Variants in PRKAG2 observed in about 807,000 individuals in gnomAD.
PRKAG2 encodes protein kinase AMP-activated non-catalytic subunit gamma 2, also known as 5'-AMP-activated protein kinase subunit gamma-2.
PRKAG2 carries 26 observed loss-of-function variants against 69.6 expected under a neutral mutation model. That is an observed-to-expected ratio of 0.37 (90% CI 0.27 to 0.52). The LOEUF (loss-of-function observed/expected upper bound fraction) is 0.52, where lower values mean the gene tolerates loss of function less well. Among genes scored for constraint, PRKAG2 ranks in the 20% least tolerant of loss-of-function variants. The pLI is 0.90. For missense variants in PRKAG2, 557 were observed against 740.0 expected (o/e 0.75, Z 2.87); for synonymous variants, 293 against 285.0 (o/e 1.03, Z -0.28).
intron 3 of PRKAG2, among the ~76,000 whole-genome samples, chr7:151,711,648 A>G (rs1453407512): frequency 6.6e-6 from 1 of 152,206 alleles, no homozygotes; most frequent in Non-Finnish European, 1.5e-5. Flanking sequence ...TATTATCCCC[A>G]TTTTATGGAT....
intron 6 of PRKAG2, among the ~76,000 whole-genome samples, chr7:151,578,511 T>G (rs1285869799): frequency 6.6e-6 from 1 of 152,246 alleles, no homozygotes. Flanking sequence ...TGCTCATGCA[T>G]GTACCTAGTT....
intron 1 of PRKAG2, among the ~76,000 whole-genome samples, chr7:151,863,641 C>G (rs2079990216): frequency 6.6e-6 from 1 of 152,202 alleles, no homozygotes; most frequent in Admixed American, 6.5e-5. Flanking sequence ...ATGAGGCCAG[C>G]ACGGTGGCTC....
At chr7:151,690,674 G>A (rs80234930) in intron 3 of PRKAG2, among the ~76,000 whole-genome samples, 12 of 152,110 alleles carry the variant, frequency 7.9e-5, no homozygotes, top group African/African-American at 2.7e-4. Flanking sequence ...ATCTGAATAC[G>A]GTGCTTAGGG....
chr7:151,704,558 G>A (rs570679617), intron 3 of PRKAG2, among the ~76,000 whole-genome samples: 1 of 152,274 alleles, frequency 6.6e-6, no homozygotes, highest in East Asian at 1.9e-4. Flanking sequence ...CTACTCTGGG[G>A]CTATTATAAA....
intron 3 of PRKAG2, among the ~76,000 whole-genome samples, chr7:151,677,420 G>T (rs1477653802): frequency 6.6e-6 from 1 of 152,170 alleles, no homozygotes; most frequent in Non-Finnish European, 1.5e-5. Context: ...TCGAACTCCT[G>T]ACCTCAAGTG....
chr7:151,778,090 C>G (rs2076479733), intron 3 of PRKAG2, among the ~76,000 whole-genome samples: 1 of 152,078 alleles, frequency 6.6e-6, no homozygotes. Context: ...CTCAGCTGAC[C>G]CTGTGGCCCT....
At chr7:151,799,540 G>A (rs1414237332) in intron 1 of PRKAG2, among the ~76,000 whole-genome samples, 1 of 152,192 alleles carries the variant, frequency 6.6e-6, no homozygotes, top group Non-Finnish European at 1.5e-5. Context: ...CCTTTCTGGT[G>A]TCATTTATTG....
rs117144487 is a variant in PRKAG2 at position 151,729,912 on chromosome 7, G to A, written c.466+51240C>T. Among the ~76,000 whole-genome samples the A allele has an allele frequency of 2.6e-4, 40 of 152,284 alleles. No homozygotes were observed. In the East Asian group the frequency reaches 6.8e-3, roughly 26 times the overall value. ...TGGTGATGAAAATACGTTTGCCATC[G>A]AAACAAGGCAGACGCAAAAGGACAA... is the stretch of plus-strand genomic sequence containing the variant. On this transcript the variant is annotated intron_variant, in intron 3 of 15. Coordinates refer to ENST00000287878, the MANE Select transcript of PRKAG2 (RefSeq NM_016203.4).
At position 151,781,259 on chromosome 7, in the gene PRKAG2, C is replaced by T. The variant is rs775756069; in HGVS notation, c.359G>A (p.Arg120His). 38 of 1,614,018 alleles carry T rather than the reference C, an allele frequency of 2.4e-5. No homozygotes were observed. In the Admixed American group the frequency reaches 5.0e-4, roughly 21 times the overall value. The change falls in exon 3 of 16, where the codon CGC becomes CAC. Residue 120 changes from arginine (R) to histidine (H), a missense_variant. Arg to His is a conservative substitution (Grantham distance 29). Around this residue, in one of 2 missense-constraint regions of PRKAG2, gnomAD observed 352 missense variants for 356.7 expected, o/e 0.99. Transcript: ENST00000287878. The surrounding 1 kb of genome is among the most constrained non-coding windows in gnomAD (Gnocchi z 6.1). Reference protein sequence around the residue: ...YQESPPRSPRRMSFSGIFRSS... With the variant: ...YQESPPRSPRHMSFSGIFRSS... ...GCGGAAGATCCCACTGAAGCTCATGCGTCGAGGGGAGCGTGGCGGGGACTC... is the reference window on the plus strand; with the variant it reads ...GCGGAAGATCCCACTGAAGCTCATGTGTCGAGGGGAGCGTGGCGGGGACTC...
In PRKAG2 at chr7:151,777,544, G is replaced by T. The variant is rs769483702; in HGVS notation, c.466+3608C>A. ...TCCCCCCTCTCTCTTGCTCCCTTGC[G>T]TGTGAGCTCTGCATACCCCGGCTTT... On this transcript the variant is annotated intron_variant, in intron 3 of 15. Transcript: ENST00000287878. The surrounding 1 kb of genome is among the most constrained non-coding windows in gnomAD (Gnocchi z 4.3). Among the ~76,000 whole-genome samples the T allele has an allele frequency of 6.6e-6, 1 of 152,122 alleles. No individual in the cohort carries two copies. The highest frequency in any genetic ancestry group is 2.1e-4 in the South Asian group (1 of 4,822).
At chr7:151,735,947 T>C in intron 3 of PRKAG2, 1 of 1,536,416 alleles carries the variant, frequency 6.5e-7, no homozygotes, top group Middle Eastern at 1.7e-4. Flanking sequence ...GCTTCGATTT[T>C]GGTCCTTGTG....
At chr7:151,605,936 C>CAAAAAAAAAAAAAAAAAAAAAAAA (rs560080587) in intron 5 of PRKAG2, among the ~76,000 whole-genome samples, 5 of 91,046 alleles carry the variant, frequency 5.5e-5, no homozygotes, top group African/African-American at 1.2e-4. Flanking sequence ...GACTCCGTCT[C>CAAAAAAAAAAAAAAAAAAAAAAAA]AAAAAAAAAA....
chr7:151,827,057 G>A (rs796616232), intron 1 of PRKAG2, among the ~76,000 whole-genome samples: 3 of 152,294 alleles, frequency 2.0e-5, no homozygotes, highest in African/African-American at 7.2e-5. Context: ...CTACAGATAA[G>A]TCATATATTT....
chr7:151,681,583 CTTTT>C (rs962361870), intron 3 of PRKAG2, among the ~76,000 whole-genome samples: 1 of 151,406 alleles, frequency 6.6e-6, no homozygotes, highest in Non-Finnish European at 1.5e-5. Flanking sequence ...AGCATCAACA[CTTTT>C]TTTTTGTTTT....
At chr7:151,842,077 GTGA>G (rs1412704542) in intron 1 of PRKAG2, among the ~76,000 whole-genome samples, 3 of 140,994 alleles carry the variant, frequency 2.1e-5, no homozygotes, top group Middle Eastern at 3.7e-3. Context: ...ATGGTAGGTA[GTGA>G]TGATGGTAGT....
At chr7:151,722,163 T>C (rs1563522284) in intron 3 of PRKAG2, among the ~76,000 whole-genome samples, 1 of 152,188 alleles carries the variant, frequency 6.6e-6, no homozygotes. Context: ...CTCTCTCATT[T>C]ACCCCCAGAG....
At chr7:151,725,272 A>G (rs1271881870) in intron 3 of PRKAG2, among the ~76,000 whole-genome samples, 1 of 152,130 alleles carries the variant, frequency 6.6e-6, no homozygotes, top group East Asian at 1.9e-4. Context: ...ATGATGCTTG[A>G]GGGAAACAGG....
chr7:151,620,181 T>C (rs1236504074), intron 5 of PRKAG2, among the ~76,000 whole-genome samples: 3 of 152,196 alleles, frequency 2.0e-5, no homozygotes, highest in East Asian at 1.9e-4. Flanking sequence ...CTTAAAGAAG[T>C]TTCCTCATAT....
At chr7:151,681,431 G>A (rs1220228256) in intron 3 of PRKAG2, among the ~76,000 whole-genome samples, 2 of 152,186 alleles carry the variant, frequency 1.3e-5, no homozygotes, top group African/African-American at 4.8e-5. Flanking sequence ...GAAGGGACAG[G>A]TGAAATGCTG....
Sources: gnomAD v4.1 joint callset for allele counts (sites outside exome capture counted in the v4.1 genomes callset) on GRCh38, gnomAD v4.1.1 for gene constraint, gnomAD v4.1.1 regional missense constraint, Gnocchi (gnomAD v3.1) non-coding constraint, MANE v1.5 for transcripts, NCBI Gene and HGNC (gene_info 2026-07-23, HGNC 2026-07-21) for gene names.